The following GPC1 variants were observed in gnomAD, a reference collection of about 807,000 sequenced individuals.
GPC1 encodes the protein glypican-1.
Under a neutral mutation model 51.5 loss-of-function variants are expected in GPC1, and 26 were observed. The observed-to-expected ratio is 0.50, with a 90% CI of 0.37 to 0.70. GPC1 has a LOEUF of 0.70. GPC1 is among the 30% of genes least tolerant of loss of function. GPC1 has a pLI of 0.00. For missense variants in GPC1, 775 were observed against 800.5 expected, an observed-to-expected ratio of 0.97 and a Z score of 0.38; for synonymous variants, 380 against 348.3, an observed-to-expected ratio of 1.09 and a Z score of -1.01.
chr2:240,443,703 G>A (rs1250914907), intron 1 of GPC1, among the ~76,000 whole-genome samples: 2 of 152,346 alleles, frequency 1.3e-5, no homozygotes, highest in Non-Finnish European at 1.5e-5. Flanking sequence ...CTTTGATGGG[G>A]CGCAGCCGGT....
intron 1 of GPC1, among the ~76,000 whole-genome samples, chr2:240,452,626 G>A (rs2074109601): frequency 6.6e-6 from 1 of 152,062 alleles, no homozygotes. Context: ...ACCCGCAGGC[G>A]GGAGGGAGGG....
intron 1 of GPC1, among the ~76,000 whole-genome samples, chr2:240,440,058 AAG>A (rs1461276226): frequency 6.6e-6 from 1 of 152,210 alleles, no homozygotes; most frequent in Non-Finnish European, 1.5e-5. Flanking sequence ...ACAGGAGAGA[AAG>A]GGAATAATCG....
At chr2:240,456,006 C>G (rs889084835) in intron 1 of GPC1, 2 of 429,878 alleles carry the variant, frequency 4.7e-6, no homozygotes, top group African/African-American at 2.2e-5. Flanking sequence ...CCCAGGCCGG[C>G]GCCCGAGCTC....
At chr2:240,450,703 C>A in intron 1 of GPC1, 1 of 468,674 alleles carries the variant, frequency 2.1e-6, no homozygotes, top group Non-Finnish European at 4.4e-6. Context: ...GGCTCGTGGG[C>A]CATGCTGGCA....
At chr2:240,450,368 C>T (rs2074086415) in intron 1 of GPC1, 1 of 345,860 alleles carries the variant, frequency 2.9e-6, no homozygotes, top group African/African-American at 2.1e-5. Context: ...GGAGTCAGGG[C>T]AGGCTGCAGG....
rs545876833 is a variant in GPC1, at chr2:240,461,801, G to C, written c.326-390G>C. On this transcript the variant is annotated intron_variant, in intron 2 of 8. Transcript: ENST00000264039. The stretch of plus-strand genomic sequence containing the variant: ...GAGAGAAGGAGCGGCTGGCAGGGGG[G>C]CACAGACCGGCCCTGCCCCTCTTAC... Among the ~76,000 whole-genome samples, 308 of 152,176 alleles carry C rather than the reference G, an allele frequency of 2.0e-3. 3 individuals carry two copies. The highest frequency in any genetic ancestry group is 2.9e-3 in the Non-Finnish European group (197 of 67,968).
Position 240,448,552 on chromosome 2 carries a change from G to A in GPC1, c.167-10478G>A, listed in dbSNP as rs942735238. On this transcript the variant is annotated intron_variant, in intron 1 of 8. Transcript: ENST00000264039. The surrounding 1 kb of genome is among the most constrained non-coding windows in gnomAD (Gnocchi z 4.5). ...CGGCAGGTGGCTTCGGGAAATGGGT[G>A]GGAGTCACGGAGGCAGGGGGCCCCC... Among the ~76,000 whole-genome samples the A allele has an allele frequency of 6.6e-6, 1 of 152,196 alleles. No individual in the cohort carries two copies. The highest frequency in any genetic ancestry group is 6.5e-5 in the Admixed American group (1 of 15,288).
At chr2:240,445,240 G>A (rs1185026009) in intron 1 of GPC1, among the ~76,000 whole-genome samples, 1 of 152,170 alleles carries the variant, frequency 6.6e-6, no homozygotes, top group Non-Finnish European at 1.5e-5. Flanking sequence ...CATCCTGTGG[G>A]CAATTTGGGG....
intron 1 of GPC1, chr2:240,450,753 C>T (rs777924706): frequency 2.1e-6 from 1 of 469,562 alleles, no homozygotes; most frequent in Admixed American, 2.4e-5. Context: ...TGGGCAGATT[C>T]CCCCCGACAT....
Position 240,459,134 on chromosome 2 carries a change from G to A in GPC1, c.271G>A (p.Asp91Asn), listed in dbSNP as rs1424406978. 2.0e-5 allele frequency: 33 copies of A among 1,612,510 alleles called. 1 individual carries two copies. In the Admixed American group the frequency reaches 5.3e-4, roughly 26 times the overall value. The part of the protein sequence containing the change: ...SHAELETALR[D>N]SSRVLQAMLA... ...TGCCGAGCTGGAGACCGCGCTCCGG[G>A]ACAGCAGCCGCGTCCTGCAGGCCAT... is the stretch of plus-strand genomic sequence containing the variant. Residue 91 changes from aspartate (D) to asparagine (N), a missense_variant, in exon 2 of 9, where the codon GAC (aspartate) becomes AAC (asparagine). By Grantham distance (23) the Asp-to-Asn change is conservative. Coordinates refer to ENST00000264039, the MANE Select transcript of GPC1 (RefSeq NM_002081.3).
At chr2:240,455,554 G>A (rs962059669) in intron 1 of GPC1, among the ~76,000 whole-genome samples, 1 of 152,216 alleles carries the variant, frequency 6.6e-6, no homozygotes, top group African/African-American at 2.4e-5. Flanking sequence ...GGCCAGGAAG[G>A]AGAGGGAGAG....
At chr2:240,464,303 T>C in intron 4 of GPC1, 1 of 391,832 alleles carries the variant, frequency 2.6e-6, no homozygotes, top group Non-Finnish European at 4.9e-6. Context: ...CGTATGTACA[T>C]GTCAACACCT....
At position 240,466,258 on chromosome 2, in the gene GPC1, G is replaced by T; in HGVS notation, c.1645G>T (p.Ala549Ser). 6.2e-7 allele frequency: 1 copy of T among 1,609,162 alleles called. No individual in the cohort carries two copies. Among genetic ancestry groups the T allele is most frequent in the Non-Finnish European group, 8.5e-7 (1 of 1,176,206 alleles). Reference protein sequence around the residue: ...TFLLPLLLFLALTVARPRWR With the variant: ...TFLLPLLLFLSLTVARPRWR Reference sequence around the variant, plus strand: ...CCTCCTGCCCCTCCTCCTCTTCCTGGCCCTTACAGTAGCCAGGCCCCGGTG... The same window carrying T: ...CCTCCTGCCCCTCCTCCTCTTCCTGTCCCTTACAGTAGCCAGGCCCCGGTG... The change falls in exon 9 of 9, where the codon GCC becomes TCC. Residue 549 changes from alanine (A) to serine (S), a missense_variant. By Grantham distance (99) the Ala-to-Ser change is moderately conservative. Transcript: ENST00000264039.
Position 240,462,284 on chromosome 2 carries a change from C to T in GPC1, c.419C>T (p.Ala140Val). 1.9e-6 allele frequency: 3 copies of T among 1,609,212 alleles called. No individual in the cohort carries two copies. Among genetic ancestry groups the T allele is most frequent in the Non-Finnish European group, 2.5e-6 (3 of 1,178,442 alleles). ...FGELYTQNAR[A>V]FRDLYSELRL... is the part of the protein sequence containing the mutation. ...GAGCTGTACACGCAGAACGCGAGGG[C>T]CTTCCGGGACCTGTACTCAGAGCTG... The change falls in exon 3 of 9, where the codon GCC (alanine) becomes GTC (valine). Residue 140 changes from alanine to valine, a missense_variant. Physicochemically the swap from Ala to Val is moderately conservative, Grantham distance 64. Transcript: ENST00000264039.
intron 1 of GPC1, among the ~76,000 whole-genome samples, chr2:240,456,870 C>T (rs529606279): frequency 7.2e-5 from 11 of 152,262 alleles, no homozygotes; most frequent in South Asian, 4.1e-4. Flanking sequence ...TGCCTGAGGG[C>T]GCCTTCCCAC....
chr2:240,463,051 C>T (rs1387878416), intron 3 of GPC1, among the ~76,000 whole-genome samples: 1 of 152,176 alleles, frequency 6.6e-6, no homozygotes, highest in African/African-American at 2.4e-5. Context: ...ACCCACATGC[C>T]CTGGGTGGGA....
At chr2:240,441,135 A>G (rs1369586016) in intron 1 of GPC1, among the ~76,000 whole-genome samples, 1 of 152,250 alleles carries the variant, frequency 6.6e-6, no homozygotes, top group Non-Finnish European at 1.5e-5. Flanking sequence ...GCGCCTTCCC[A>G]GGTACCGAGG....
intron 1 of GPC1, chr2:240,450,187 C>T (rs936121183): frequency 2.1e-5 from 7 of 333,010 alleles, no homozygotes; most frequent in South Asian, 4.9e-5. Context: ...GAAGCTCCAG[C>T]CCACACACCT....
chr2:240,448,654 A>G lies in GPC1; in HGVS notation c.167-10376A>G, dbSNP rs2074069521. Among the ~76,000 whole-genome samples, 1 of 151,518 alleles carries G rather than the reference A, an allele frequency of 6.6e-6. No individual in the cohort carries two copies. The highest frequency in any genetic ancestry group is 3.2e-3 in the Middle Eastern group (1 of 314). On this transcript the variant is annotated intron_variant, in intron 1 of 8. Coordinates refer to ENST00000264039, the MANE Select transcript of GPC1 (RefSeq NM_002081.3). The surrounding 1 kb of genome is among the most constrained non-coding windows in gnomAD (Gnocchi z 4.5). ...CTCACCTTTGGGGAGGCGATCAGGC[A>G]GGCACATGACAGGACCACCTGCTCA...
Sources: allele counts gnomAD v4.1 joint callset (sites outside exome capture counted in the v4.1 genomes callset), GRCh38; gene constraint gnomAD v4.1.1; non-coding constraint Gnocchi (gnomAD v3.1); transcripts MANE v1.5; gene names NCBI Gene and HGNC (gene_info 2026-07-23, HGNC 2026-07-21).